The following TSPAN5 variants were observed in gnomAD, a reference collection of about 807,000 sequenced individuals.
TSPAN5 encodes the protein tetraspanin 5.
In TSPAN5, 10 loss-of-function variants were observed where a neutral mutation model predicts 37.1. The ratio of observed to expected loss-of-function variants is 0.27; its 90% CI spans 0.17 to 0.46. The LOEUF (loss-of-function observed/expected upper bound fraction) is 0.46. Ranked by LOEUF, TSPAN5 falls within the 20% of genes least tolerant of loss-of-function variation. TSPAN5 has a pLI of 1.00. For synonymous variants in TSPAN5, 110 were observed against 118.9 expected, an observed-to-expected ratio of 0.93 and a Z score of 0.48; for missense variants, 195 against 326.6, an observed-to-expected ratio of 0.60 and a Z score of 3.11.
At chr4:98,619,710 A>G (rs1756437472) in intron 1 of TSPAN5, among the ~76,000 whole-genome samples, 2 of 152,244 alleles carry the variant, frequency 1.3e-5, no homozygotes, top group African/African-American at 4.8e-5. Context: ...AGGCTGCTAT[A>G]ATAAAAACAC....
intron 1 of TSPAN5, among the ~76,000 whole-genome samples, chr4:98,542,239 C>T (rs1754375329): frequency 6.6e-6 from 1 of 152,252 alleles, no homozygotes. Flanking sequence ...CATCTGCTCA[C>T]ATCCGTTCCA....
chr4:98,573,436 A>G (rs918146363), intron 1 of TSPAN5, among the ~76,000 whole-genome samples: 3 of 152,216 alleles, frequency 2.0e-5, no homozygotes, highest in African/African-American at 7.2e-5. Flanking sequence ...GATAGAGTCT[A>G]TGTTGCCCAG....
chr4:98,583,466 T>C (rs1383982023), intron 1 of TSPAN5, among the ~76,000 whole-genome samples: 2 of 150,816 alleles, frequency 1.3e-5, no homozygotes, highest in Admixed American at 1.3e-4. Context: ...TATGTGTCCA[T>C]GTGTTCTCAG....
At chr4:98,525,066 G>C (rs1753932517) in intron 1 of TSPAN5, among the ~76,000 whole-genome samples, 1 of 152,136 alleles carries the variant, frequency 6.6e-6, no homozygotes, top group African/African-American at 2.4e-5. Context: ...TCTTAAATTA[G>C]ATTTAAAAGG....
intron 1 of TSPAN5, among the ~76,000 whole-genome samples, chr4:98,530,437 A>C (rs2110127743): frequency 6.6e-6 from 1 of 152,312 alleles, no homozygotes; most frequent in Non-Finnish European, 1.5e-5. Flanking sequence ...CAGCTCTAGA[A>C]AGCAGCTTGA....
At chr4:98,489,780 C>T (rs980246468) in intron 2 of TSPAN5, among the ~76,000 whole-genome samples, 3 of 151,354 alleles carry the variant, frequency 2.0e-5, no homozygotes, top group East Asian at 1.9e-4. Context: ...TAACACTCAC[C>T]GCATGCATGG....
intron 1 of TSPAN5, among the ~76,000 whole-genome samples, chr4:98,519,588 C>T (rs1753809664): frequency 6.6e-6 from 1 of 152,156 alleles, no homozygotes; most frequent in South Asian, 2.1e-4. Flanking sequence ...AGAGTGCAGT[C>T]TAAGAAAACG....
intron 1 of TSPAN5, among the ~76,000 whole-genome samples, chr4:98,619,102 C>G (rs1390481652): frequency 3.9e-5 from 6 of 152,192 alleles, no homozygotes; most frequent in Non-Finnish European, 7.3e-5. Context: ...CTCCTACTAC[C>G]TCTCATTCTT....
At chr4:98,511,722 T>A (rs1753610839) in intron 1 of TSPAN5, among the ~76,000 whole-genome samples, 1 of 152,240 alleles carries the variant, frequency 6.6e-6, no homozygotes, top group Admixed American at 6.5e-5. Context: ...CTTGACGTGA[T>A]AACATTTTGG....
At chr4:98,472,663 T>A (rs890789367) in intron 7 of TSPAN5, 76 bp from the exon 8 acceptor site, 35 of 1,282,288 alleles carry the variant, frequency 2.7e-5, no homozygotes, top group Middle Eastern at 1.9e-4. Context: ...CCCATTTTTT[T>A]AAATCATTGA....
intron 7 of TSPAN5, among the ~76,000 whole-genome samples, chr4:98,475,755 C>T (rs1391100782): frequency 6.6e-6 from 1 of 152,088 alleles, no homozygotes; most frequent in African/African-American, 2.4e-5. Context: ...TTTGGGAGGC[C>T]GAGATGGGCG....
chr4:98,519,070 C>G (rs1490033186), intron 1 of TSPAN5, among the ~76,000 whole-genome samples: 1 of 152,108 alleles, frequency 6.6e-6, no homozygotes, highest in Admixed American at 6.5e-5. Flanking sequence ...TGGGAGGCTA[C>G]TAATTTGGTG....
intron 1 of TSPAN5, among the ~76,000 whole-genome samples, chr4:98,635,479 A>G (rs575676487): frequency 6.6e-6 from 1 of 152,318 alleles, no homozygotes; most frequent in Admixed American, 6.5e-5. Flanking sequence ...CCAATGGTGG[A>G]TCTAGCTAGA....
At chr4:98,592,428 G>GTTTTTTTTTTTT (rs35941064) in intron 1 of TSPAN5, among the ~76,000 whole-genome samples, 5 of 119,100 alleles carry the variant, frequency 4.2e-5, no homozygotes, top group African/African-American at 9.5e-5. Flanking sequence ...TCTGTTTTTT[G>GTTTTTTTTTTTT]TTTTTTTTTT....
chr4:98,586,453 T>TA (rs954945821), intron 1 of TSPAN5, among the ~76,000 whole-genome samples: 8 of 151,192 alleles, frequency 5.3e-5, no homozygotes, highest in African/African-American at 4.9e-5. Flanking sequence ...GGTAACAAGT[T>TA]AAAAAAAAAG....
chr4:98,580,010 T>C (rs1350797086), intron 1 of TSPAN5, among the ~76,000 whole-genome samples: 1 of 152,194 alleles, frequency 6.6e-6, no homozygotes, highest in Non-Finnish European at 1.5e-5. Context: ...TTTGTGATAT[T>C]TTAACAGTAC....
intron 1 of TSPAN5, among the ~76,000 whole-genome samples, chr4:98,650,057 G>A (rs1757152365): frequency 6.6e-6 from 1 of 152,140 alleles, no homozygotes; most frequent in Admixed American, 6.5e-5. Context: ...TCTTTGAGAT[G>A]CTTACAAGAA....
intron 1 of TSPAN5, among the ~76,000 whole-genome samples, chr4:98,582,926 T>C (rs1011229622): frequency 1.3e-5 from 2 of 152,204 alleles, no homozygotes; most frequent in African/African-American, 2.4e-5. Flanking sequence ...TTATGAGTTG[T>C]GAATTCCCTT....
At chr4:98,599,145 T>A (rs4699658) in intron 1 of TSPAN5, among the ~76,000 whole-genome samples, 19,082 of 152,180 alleles carry the variant, frequency 0.13, 1,345 homozygotes, top group African/African-American at 0.19. Flanking sequence ...AATTTTTTTT[T>A]ATTTTTGTTT....
Sources: gnomAD v4.1 joint callset for allele counts (sites outside exome capture counted in the v4.1 genomes callset) on GRCh38, gnomAD v4.1.1 for gene constraint, MANE v1.5 for transcripts, NCBI Gene and HGNC (gene_info 2026-07-23, HGNC 2026-07-21) for gene names.